FSTL5: variants seen among roughly 807,000 people sequenced by gnomAD.
FSTL5 encodes follistatin like 5.
In FSTL5, 62 loss-of-function variants were observed where a neutral mutation model predicts 89.1. The observed-to-expected ratio is 0.70, with a 90% CI of 0.57 to 0.86. The LOEUF (loss-of-function observed/expected upper bound fraction) is 0.86. Ranked by LOEUF, FSTL5 falls within the 40% of genes least tolerant of loss-of-function variation. FSTL5 has a pLI of 0.00. For missense variants in FSTL5, 1,057 were observed against 1,001.6 expected, an observed-to-expected ratio of 1.06 and a Z score of -0.75; for synonymous variants, 383 against 346.2, an observed-to-expected ratio of 1.11 and a Z score of -1.18.
At chr4:162,157,741 T>C (rs1044655260) in intron 1 of FSTL5, among the ~76,000 whole-genome samples, 1 of 152,104 alleles carries the variant, frequency 6.6e-6, no homozygotes, top group Non-Finnish European at 1.5e-5. Flanking sequence ...TGGGATCCAC[T>C]TAATAAAGAC....
intron 7 of FSTL5, among the ~76,000 whole-genome samples, chr4:161,627,344 C>A (rs2126652045): frequency 6.6e-6 from 1 of 152,220 alleles, no homozygotes; most frequent in South Asian, 2.1e-4. Context: ...TTGTCAGCCA[C>A]TTTAGAAATA....
chr4:161,595,228 T>A lies in FSTL5; in HGVS notation c.895-7653A>T, dbSNP rs186104178. Among the ~76,000 whole-genome samples, 20 of 152,190 alleles carry A rather than the reference T, an allele frequency of 1.3e-4. No individual in the cohort carries two copies. In the East Asian group the frequency reaches 3.5e-3, roughly 27 times the overall value. ...TTATTTCCTCAGCAGTTTTCTAATCTTAAATAGATCAAAACAAATGTATGA... is the reference window on the plus strand; with the variant it reads ...TTATTTCCTCAGCAGTTTTCTAATCATAAATAGATCAAAACAAATGTATGA... On this transcript the variant is annotated intron_variant, in intron 7 of 15. Transcript: ENST00000306100.
intron 12 of FSTL5, among the ~76,000 whole-genome samples, chr4:161,498,055 T>G (rs1730150203): frequency 6.6e-6 from 1 of 151,774 alleles, no homozygotes; most frequent in Admixed American, 6.6e-5. Context: ...TGCTTTGTCC[T>G]ACATCTCTAT....
chr4:162,017,349 T>C (rs1051599593), intron 3 of FSTL5, among the ~76,000 whole-genome samples: 4 of 152,220 alleles, frequency 2.6e-5, no homozygotes, highest in African/African-American at 7.2e-5. Context: ...TTGACTAATA[T>C]GAGCCCTAAA....
chr4:161,974,231 C>G (rs1309157734), intron 3 of FSTL5, among the ~76,000 whole-genome samples: 1 of 152,162 alleles, frequency 6.6e-6, no homozygotes, highest in Non-Finnish European at 1.5e-5. Flanking sequence ...CTACCAATGA[C>G]TTTCTTCACA....
At chr4:161,786,219 A>C (rs1450932842) in intron 4 of FSTL5, among the ~76,000 whole-genome samples, 1 of 152,036 alleles carries the variant, frequency 6.6e-6, no homozygotes, top group African/African-American at 2.4e-5. Flanking sequence ...TAGCATTGTT[A>C]TTATTTTATG....
At chr4:161,766,652 T>A (rs568178760) in intron 5 of FSTL5, among the ~76,000 whole-genome samples, 1 of 152,320 alleles carries the variant, frequency 6.6e-6, no homozygotes, top group South Asian at 2.1e-4. Context: ...TTCTTCACCA[T>A]ACTGACTTTA....
intron 3 of FSTL5, among the ~76,000 whole-genome samples, chr4:161,991,695 A>G (rs1736115960): frequency 6.6e-6 from 1 of 152,066 alleles, no homozygotes; most frequent in Non-Finnish European, 1.5e-5. Flanking sequence ...CAACTGTGGG[A>G]CTTGAGTATG....
In FSTL5 at chr4:161,675,819, T is replaced by C. The variant is rs551846648; in HGVS notation, c.728-19325A>G. Among the ~76,000 whole-genome samples, 3 of 152,192 alleles carry C rather than the reference T, an allele frequency of 2.0e-5. No homozygotes were observed. In the South Asian group the frequency reaches 6.2e-4, roughly 32 times the overall value. On this transcript the variant is annotated intron_variant, in intron 6 of 15. Coordinates refer to ENST00000306100, the MANE Select transcript of FSTL5 (RefSeq NM_020116.5). The stretch of plus-strand genomic sequence containing the variant: ...ATAGAAATTTTCTAAAAATTGTTAA[T>C]GTATATCTTATATGGATAATAAAAG...
intron 4 of FSTL5, among the ~76,000 whole-genome samples, chr4:161,867,937 C>T (rs1241360016): frequency 6.6e-6 from 1 of 151,808 alleles, no homozygotes; most frequent in Admixed American, 6.6e-5. Flanking sequence ...ATTATGGAGA[C>T]ATTCAGTTAT....
At chr4:161,472,499 C>G (rs1206645847) in intron 13 of FSTL5, among the ~76,000 whole-genome samples, 1 of 151,936 alleles carries the variant, frequency 6.6e-6, no homozygotes, top group African/African-American at 2.4e-5. Context: ...AAATTCCACT[C>G]CCCTGGCATC....
chr4:161,567,803 T>TGC (rs1732869242), intron 8 of FSTL5, among the ~76,000 whole-genome samples: 1 of 35,588 alleles, frequency 2.8e-5, no homozygotes, highest in South Asian at 4.5e-4. Context: ...CAAGAGAATC[T>TGC]ACACGTCTTT....
intron 2 of FSTL5, among the ~76,000 whole-genome samples, chr4:162,081,033 T>C (rs1730071704): frequency 6.6e-6 from 1 of 151,664 alleles, no homozygotes; most frequent in Admixed American, 6.6e-5. Flanking sequence ...AAGTGTGAAA[T>C]AGACCATTCA....
intron 13 of FSTL5, among the ~76,000 whole-genome samples, chr4:161,476,155 CCTT>C (rs1248807066): frequency 7.4e-5 from 10 of 135,782 alleles, no homozygotes; most frequent in African/African-American, 2.8e-4. Context: ...AGATTCTTCT[CCTT>C]CTTCAAGTTT....
intron 1 of FSTL5, among the ~76,000 whole-genome samples, chr4:162,150,202 G>A (rs2111507879): frequency 6.6e-6 from 1 of 152,256 alleles, no homozygotes; most frequent in Admixed American, 6.5e-5. Flanking sequence ...TTTAAAGGAA[G>A]ACTTTCGACA....
chr4:162,114,280 G>A (rs924163676), intron 1 of FSTL5, among the ~76,000 whole-genome samples: 1 of 152,006 alleles, frequency 6.6e-6, no homozygotes, highest in Admixed American at 6.6e-5. Flanking sequence ...ATCCAAGATA[G>A]AGCCAAAAAT....
At chr4:161,414,577 G>A (rs1731708590) in intron 15 of FSTL5, among the ~76,000 whole-genome samples, 1 of 152,118 alleles carries the variant, frequency 6.6e-6, no homozygotes, top group Admixed American at 6.5e-5. Context: ...TCAGTCTGGT[G>A]TCCTGAATCT....
chr4:161,912,484 A>T (rs1407233946), intron 4 of FSTL5, among the ~76,000 whole-genome samples: 2 of 152,120 alleles, frequency 1.3e-5, no homozygotes, highest in African/African-American at 4.8e-5. Flanking sequence ...TCAGGGGGTT[A>T]TGCTTTTGCT....
chr4:161,900,387 T>C (rs146975240), intron 4 of FSTL5, among the ~76,000 whole-genome samples: 190 of 151,632 alleles, frequency 1.3e-3, no homozygotes, highest in African/African-American at 4.2e-3. Context: ...TTAATAAGAA[T>C]GGCAGACATG....
Sources: allele counts gnomAD v4.1 joint callset (sites outside exome capture counted in the v4.1 genomes callset), GRCh38; gene constraint gnomAD v4.1.1; transcripts MANE v1.5; gene names NCBI Gene and HGNC (gene_info 2026-07-23, HGNC 2026-07-21).